The following NUP54 variants were observed in gnomAD, a reference collection of about 807,000 sequenced individuals.
NUP54 encodes nucleoporin 54.
In NUP54, 27 loss-of-function variants were observed where a neutral mutation model predicts 66.4. The observed-to-expected ratio is 0.41, with a 90% confidence interval of 0.30 to 0.56. The LOEUF (loss-of-function observed/expected upper bound fraction) is 0.56. Ranked by LOEUF, NUP54 falls within the 20% of genes least tolerant of loss-of-function variation. The pLI is 0.34. For missense variants in NUP54, 486 were observed against 596.3 expected (o/e 0.82, Z 1.93); for synonymous variants, 206 against 210.7 (o/e 0.98, Z 0.19).
chr4:76,140,285 G>T (rs1223487530), intron 3 of NUP54, among the ~76,000 whole-genome samples: 7 of 130,176 alleles, frequency 5.4e-5, no homozygotes, highest in African/African-American at 8.5e-5. Flanking sequence ...TTTCTCTTTG[G>T]TTTTTTTTTT....
chr4:76,118,031 C>G, intron 10 of NUP54, 44 bp downstream of exon 10: 2 of 1,594,946 alleles, frequency 1.3e-6, no homozygotes, highest in Non-Finnish European at 8.6e-7. Flanking sequence ...GTCTGCAGAT[C>G]CACCTGAAAC....
intron 9 of NUP54, among the ~76,000 whole-genome samples, chr4:76,123,013 C>CA (rs1437933732): frequency 5.9e-5 from 9 of 152,118 alleles, no homozygotes; most frequent in African/African-American, 2.2e-4. Context: ...CAGGCAAACC[C>CA]ATATAGGCAA....
chr4:76,120,421 C>CTTTT (rs59098375), intron 9 of NUP54, among the ~76,000 whole-genome samples: 1 of 117,784 alleles, frequency 8.5e-6, no homozygotes, highest in Non-Finnish European at 1.7e-5. Context: ...AAAGGGATCT[C>CTTTT]TTTTTTTTTT....
At chr4:76,143,044 G>A (rs547834576) in intron 3 of NUP54, among the ~76,000 whole-genome samples, 2 of 151,948 alleles carry the variant, frequency 1.3e-5, no homozygotes, top group East Asian at 1.9e-4. Context: ...ATGGATCTAG[G>A]TAATGATCAC....
chr4:76,129,591 G>A (rs1223398536), intron 8 of NUP54, among the ~76,000 whole-genome samples: 1 of 152,126 alleles, frequency 6.6e-6, no homozygotes, highest in African/African-American at 2.4e-5. Context: ...TTGGCCGGGC[G>A]CAGTGGCTCA....
In NUP54 at chr4:76,146,012, A is replaced by G. The variant is rs182887021; in HGVS notation, c.68-1539T>C. 1.7e-4 allele frequency: 65 copies of G among 373,726 alleles called. No individual in the cohort carries two copies. The East Asian group carries it at 3.0e-3, about 17-fold the overall frequency. 23.2% of individuals were successfully genotyped at this position (373,726 alleles called of 1,614,324 possible). A position where few individuals can be genotyped will look rare whatever the true frequency, so the allele number is the denominator to read the frequency against. On this transcript the variant is annotated intron_variant, in intron 1 of 11. Transcript: ENST00000264883. ...CTAAGCACTGTTGTAATTTCTTTTCATTATTCTTCACTTCCATAGAATAAC... is the reference window on the plus strand; with the variant it reads ...CTAAGCACTGTTGTAATTTCTTTTCGTTATTCTTCACTTCCATAGAATAAC...
Position 76,136,331 on chromosome 4 carries a change from G to A in NUP54, c.377C>T (p.Ala126Val). The change falls in exon 4 of 12, where the codon GCT becomes GTT. Residue 126 changes from alanine to valine, a missense_variant. By Grantham distance (64) the Ala-to-Val change is moderately conservative. Transcript: ENST00000264883. The stretch of plus-strand genomic sequence containing the variant: ...TCTCTCATCTCCCAACAGCGTTGGA[G>A]CAGAAAGAGCACTCGCAGTATTTAT... ...QLINTASALS[A>V]PTLLGDERDA... 1.3e-5 allele frequency: 21 copies of A among 1,614,118 alleles called. No homozygotes were observed. Among genetic ancestry groups the A allele is most frequent in the Non-Finnish European group, 1.8e-5 (21 of 1,179,996 alleles).
Position 76,117,454 on chromosome 4 carries a change from T to C in NUP54, c.1395+210A>G, listed in dbSNP as rs144663987. On this transcript the variant is annotated intron_variant, in intron 11 of 11. Coordinates refer to ENST00000264883, the MANE Select transcript of NUP54 (RefSeq NM_017426.4). ...TATATCCAGAAGTAGACCTGCTAGATCATATCGTAATTCTATCTTTAATTT... is the reference window on the plus strand; with the variant it reads ...TATATCCAGAAGTAGACCTGCTAGACCATATCGTAATTCTATCTTTAATTT... Among the ~76,000 whole-genome samples the C allele has an allele frequency of 7.9e-3, 1,198 of 152,286 alleles. 11 individuals are homozygous for C. Among genetic ancestry groups the C allele is most frequent in the African/African-American group, 0.028 (1,149 of 41,552 alleles).
chr4:76,117,534 C>T, intron 11 of NUP54, 130 bp downstream of exon 11: 1 of 608,466 alleles, frequency 1.6e-6, no homozygotes, highest in Non-Finnish European at 2.9e-6. Context: ...TACATTCCCC[C>T]AACAGTGCAA....
At chr4:76,128,819 A>C (rs1393973681) in intron 8 of NUP54, among the ~76,000 whole-genome samples, 2 of 152,226 alleles carry the variant, frequency 1.3e-5, no homozygotes. Context: ...TGTTAAGTGA[A>C]ATAAGCCACG....
intron 4 of NUP54, among the ~76,000 whole-genome samples, chr4:76,135,052 A>AT (rs1254039901): frequency 6.6e-6 from 1 of 152,170 alleles, no homozygotes; most frequent in Non-Finnish European, 1.5e-5. Flanking sequence ...GAGTATCTGT[A>AT]TATCTGATTC....
chr4:76,131,135 T>C lies in NUP54; in HGVS notation c.962+95A>G, dbSNP rs60523248. 0.15 allele frequency: 116,985 copies of C among 792,276 alleles called. 9,847 individuals carry two copies. Among genetic ancestry groups the C allele is most frequent in the East Asian group, 0.34 (13,352 of 38,924 alleles). 49.1% of individuals were successfully genotyped at this position (792,276 alleles called of 1,614,324 possible). ...GGCCAGGAAAATGAAAATAAACTTG[T>C]CTCATATGTAAGAATTATAATTAAT... On this transcript the variant is annotated intron_variant, in intron 7 of 11. Coordinates refer to ENST00000264883, the MANE Select transcript of NUP54 (RefSeq NM_017426.4).
intron 9 of NUP54, among the ~76,000 whole-genome samples, chr4:76,118,877 C>T (rs565585648): frequency 6.6e-5 from 10 of 151,870 alleles, no homozygotes; most frequent in Non-Finnish European, 1.3e-4. Context: ...TGATGGTGCA[C>T]GCCTGTAGTC....
intron 11 of NUP54, among the ~76,000 whole-genome samples, chr4:76,116,091 C>T (rs1326902081): frequency 6.6e-6 from 1 of 152,126 alleles, no homozygotes; most frequent in Non-Finnish European, 1.5e-5. Flanking sequence ...AGATGGTGAA[C>T]CATGATTCAA....
chr4:76,122,105 T>C (rs1270455943), intron 9 of NUP54, among the ~76,000 whole-genome samples: 1 of 152,222 alleles, frequency 6.6e-6, no homozygotes, highest in Non-Finnish European at 1.5e-5. Context: ...ATTATATATT[T>C]TCCTTTAATG....
chr4:76,145,781 AAC>A (rs1414507145), intron 1 of NUP54: 1 of 270,386 alleles, frequency 3.7e-6, no homozygotes, highest in African/African-American at 2.3e-5. Context: ...TCTGGTATAC[AAC>A]ACAGATTCAT....
At chr4:76,143,096 T>C (rs1257169205) in intron 3 of NUP54, among the ~76,000 whole-genome samples, 2 of 151,982 alleles carry the variant, frequency 1.3e-5, no homozygotes, top group African/African-American at 4.8e-5. Flanking sequence ...AAAGATATTA[T>C]ATGTCTTCTG....
In NUP54 at chr4:76,117,788, C is replaced by A. The variant is rs751283910; in HGVS notation, c.1285-14G>T. 2 of 1,596,186 alleles carry A rather than the reference C, an allele frequency of 1.3e-6. No homozygotes were observed. The highest frequency in any genetic ancestry group is 1.7e-5 in the Admixed American group (1 of 59,806). ...ATTTAGTCGGCCCTAAAAGTTAAGA[C>A]TGAGTCAAATTACAACTGCCGACGA... On this transcript the variant is annotated splice_polypyrimidine_tract_variant and intron_variant, in intron 10 of 11. Coordinates refer to ENST00000264883, the MANE Select transcript of NUP54 (RefSeq NM_017426.4).
Position 76,148,348 on chromosome 4 carries a change from C to T in NUP54, c.27G>A (p.Ser9=). MAFNFGAP[S]GTSGTAAATA... ...TGGCTGCAGCGGTACCGGAGGTGCCCGAGGGAGCCCCAAAATTGAAGGCCA... is the reference window on the plus strand; with the variant it reads ...TGGCTGCAGCGGTACCGGAGGTGCCTGAGGGAGCCCCAAAATTGAAGGCCA... Residue 9 remains serine (S), a synonymous_variant, in exon 1 of 12, where the codon TCG becomes TCA. Transcript: ENST00000264883. 6.5e-7 allele frequency: 1 copy of T among 1,546,024 alleles called. No individual in the cohort carries two copies. The highest frequency in any genetic ancestry group is 8.7e-7 in the Non-Finnish European group (1 of 1,146,084).
Sources: gnomAD v4.1 joint callset for allele counts (sites outside exome capture counted in the v4.1 genomes callset) on GRCh38, gnomAD v4.1.1 for gene constraint, MANE v1.5 for transcripts, NCBI Gene and HGNC (gene_info 2026-07-23, HGNC 2026-07-21) for gene names.